MYO9A: variants seen among roughly 807,000 people sequenced by gnomAD.
MYO9A encodes myosin IXA.
A neutral mutation model predicts 293.3 loss-of-function variants in MYO9A; 103 were observed. That is an observed-to-expected ratio of 0.35 (90% CI 0.30 to 0.41). The LOEUF is 0.41. Among genes scored for constraint, MYO9A ranks in the 10% least tolerant of loss-of-function variants. The pLI is 1.00. For missense variants in MYO9A, 2,685 were observed against 3,033.0 expected (o/e 0.89, Z 2.69); for synonymous variants, 1,001 against 1,035.7 (o/e 0.97, Z 0.64).
At chr15:71,965,649 G>C (rs538220953) in intron 13 of MYO9A, among the ~76,000 whole-genome samples, 2 of 152,332 alleles carry the variant, frequency 1.3e-5, no homozygotes, top group East Asian at 3.9e-4. Flanking sequence ...AGGAGGCAGA[G>C]AATCGCTTAA....
rs2078386921 is a variant in MYO9A at position 72,046,448 on chromosome 15, T to A, written c.116A>T (p.Asn39Ile). The change falls in exon 2 of 42, where the codon AAC becomes ATC. Residue 39 changes from asparagine (N) to isoleucine (I), a missense_variant. By Grantham distance (149) the Asn-to-Ile change is moderately radical (BLOSUM62 -3). Coordinates refer to ENST00000356056, the MANE Select transcript of MYO9A (RefSeq NM_006901.4). ...TIYCPIPARK[N>I]STAAEVIESL... The stretch of plus-strand genomic sequence containing the variant: ...CTCAATCACCTCAGCAGCTGTGGAG[T>A]TTTTTCTGGCAGGAATCGGACAGTA... 4 of 1,613,600 alleles carry A rather than the reference T, an allele frequency of 2.5e-6. No individual in the cohort carries two copies. The highest frequency in any genetic ancestry group is 2.5e-6 in the Non-Finnish European group (3 of 1,179,950).
chr15:71,994,994 A>T (rs1462763239), intron 9 of MYO9A, among the ~76,000 whole-genome samples: 1 of 152,182 alleles, frequency 6.6e-6, no homozygotes, highest in Admixed American at 6.5e-5. Flanking sequence ...GGCCTCCCAA[A>T]GTGCTGGGAT....
intron 33 of MYO9A, among the ~76,000 whole-genome samples, chr15:71,860,164 C>A (rs1326117783): frequency 6.6e-6 from 1 of 152,274 alleles, no homozygotes. Flanking sequence ...ATATGCTCTA[C>A]AACATACTAA....
chr15:71,857,776 A>C (rs977524934), intron 34 of MYO9A, among the ~76,000 whole-genome samples: 1 of 152,158 alleles, frequency 6.6e-6, no homozygotes, highest in African/African-American at 2.4e-5. Context: ...TAAACTAAAG[A>C]GCTTCTACAC....
At chr15:72,066,261 G>T (rs2079017606) in intron 1 of MYO9A, among the ~76,000 whole-genome samples, 1 of 152,144 alleles carries the variant, frequency 6.6e-6, no homozygotes, top group Non-Finnish European at 1.5e-5. Flanking sequence ...GGCCAAAGCG[G>T]GTGGATCACG....
At chr15:71,867,075 A>AACACACACACACACAC (rs35264363) in intron 32 of MYO9A, among the ~76,000 whole-genome samples, 53 of 148,100 alleles carry the variant, frequency 3.6e-4, no homozygotes, top group African/African-American at 1.3e-3. Context: ...CAAAAAACAA[A>AACACACACACACACAC]ACACACACAC....
At chr15:72,059,631 T>G (rs908780534) in intron 1 of MYO9A, among the ~76,000 whole-genome samples, 2 of 152,220 alleles carry the variant, frequency 1.3e-5, no homozygotes, top group African/African-American at 4.8e-5. Context: ...TGGATTGGCT[T>G]TTTTTAGTGA....
chr15:71,998,565 C>CTTTTTTTTTTTTTT (rs11443228), intron 9 of MYO9A, among the ~76,000 whole-genome samples: 9 of 140,056 alleles, frequency 6.4e-5, no homozygotes, highest in South Asian at 2.2e-4. Flanking sequence ...TTTTTTTTGT[C>CTTTTTTTTTTTTTT]TTTTTTTTTC....
intron 32 of MYO9A, among the ~76,000 whole-genome samples, chr15:71,867,242 G>C (rs2141958279): frequency 6.6e-6 from 1 of 152,022 alleles, no homozygotes; most frequent in South Asian, 2.1e-4. Context: ...CTGCACACCA[G>C]GACAATTCCA....
intron 1 of MYO9A, among the ~76,000 whole-genome samples, chr15:72,048,921 CT>C (rs1255241616): frequency 6.6e-6 from 1 of 152,134 alleles, no homozygotes; most frequent in Non-Finnish European, 1.5e-5. Context: ...TCCACCTCAT[CT>C]TTTTTCCGCC....
chr15:71,963,342 C>T (rs760601628), intron 13 of MYO9A, among the ~76,000 whole-genome samples: 36 of 152,222 alleles, frequency 2.4e-4, no homozygotes, highest in Non-Finnish European at 4.7e-4. Flanking sequence ...ACCTCGGCCT[C>T]CCAAAGTGCT....
At chr15:72,032,746 G>A (rs1287997699) in intron 2 of MYO9A, among the ~76,000 whole-genome samples, 158 bp from the exon 3 acceptor site, 1 of 151,556 alleles carries the variant, frequency 6.6e-6, no homozygotes, top group Non-Finnish European at 1.5e-5. Context: ...TCACAGTTCA[G>A]GCAAAATTTT....
At chr15:72,077,770 T>C (rs1294687644) in intron 1 of MYO9A, among the ~76,000 whole-genome samples, 3 of 133,772 alleles carry the variant, frequency 2.2e-5, no homozygotes, top group East Asian at 4.1e-4. Flanking sequence ...TATATATATA[T>C]ATATATATAT....
chr15:71,954,675 A>G (rs1198499217), intron 14 of MYO9A, among the ~76,000 whole-genome samples: 5 of 152,206 alleles, frequency 3.3e-5, no homozygotes, highest in African/African-American at 1.2e-4. Flanking sequence ...TTTAAAGGTA[A>G]CTTCTTTTTA....
intron 35 of MYO9A, among the ~76,000 whole-genome samples, chr15:71,853,619 C>T (rs1353707608): frequency 6.6e-6 from 1 of 152,212 alleles, no homozygotes; most frequent in Non-Finnish European, 1.5e-5. Flanking sequence ...CTTGCCCACA[C>T]AAGGACATGC....
At chr15:72,056,334 C>G (rs1004657927) in intron 1 of MYO9A, among the ~76,000 whole-genome samples, 1 of 152,160 alleles carries the variant, frequency 6.6e-6, no homozygotes, top group Non-Finnish European at 1.5e-5. Context: ...AATATAGAAC[C>G]AGCCCAAATG....
At chr15:71,994,229 A>C (rs1178580011) in intron 10 of MYO9A, among the ~76,000 whole-genome samples, 1 of 152,160 alleles carries the variant, frequency 6.6e-6, no homozygotes, top group Non-Finnish European at 1.5e-5. Context: ...AGAGAGCATG[A>C]TTCTATTTAC....
chr15:72,065,422 G>A (rs1391491166), intron 1 of MYO9A, among the ~76,000 whole-genome samples: 5 of 151,848 alleles, frequency 3.3e-5, no homozygotes, highest in African/African-American at 1.2e-4. Flanking sequence ...GGCTGAGGCA[G>A]GAGAATGGCT....
intron 1 of MYO9A, among the ~76,000 whole-genome samples, chr15:72,096,656 C>A (rs1439465317): frequency 6.6e-6 from 1 of 152,208 alleles, no homozygotes; most frequent in Non-Finnish European, 1.5e-5. Context: ...TAAAATATTT[C>A]ATGAGGCTTT....
Sources: allele counts gnomAD v4.1 joint callset (sites outside exome capture counted in the v4.1 genomes callset), GRCh38; gene constraint gnomAD v4.1.1; transcripts MANE v1.5; gene names NCBI Gene and HGNC (gene_info 2026-07-23, HGNC 2026-07-21).